ARHGAP40: variants seen among roughly 807,000 people sequenced by gnomAD.
The protein encoded by ARHGAP40 is Rho GTPase activating protein 40.
A neutral mutation model predicts 73.5 loss-of-function variants in ARHGAP40; 43 were observed. That is an observed-to-expected ratio of 0.58 (90% CI 0.46 to 0.75). The LOEUF is 0.75. Ranked by LOEUF, ARHGAP40 falls within the 30% of genes least tolerant of loss-of-function variation. ARHGAP40 has a pLI of 0.00. For missense variants in ARHGAP40, 734 were observed against 861.8 expected, an observed-to-expected ratio of 0.85 and a Z score of 1.86; for synonymous variants, 300 against 352.8, an observed-to-expected ratio of 0.85 and a Z score of 1.68.
chr20:38,631,033 C>T (rs1017560001), intron 5 of ARHGAP40, among the ~76,000 whole-genome samples: 4 of 152,154 alleles, frequency 2.6e-5, no homozygotes, highest in Admixed American at 1.3e-4. Context: ...GAAGTAGGAT[C>T]GGGCACAGTG....
At chr20:38,621,606 G>A (rs1317704059) in intron 1 of ARHGAP40, among the ~76,000 whole-genome samples, 1 of 152,192 alleles carries the variant, frequency 6.6e-6, no homozygotes, top group East Asian at 1.9e-4. Flanking sequence ...TGCCTGGGGA[G>A]AAACATGAGA....
intron 7 of ARHGAP40, among the ~76,000 whole-genome samples, chr20:38,638,312 CA>C (rs1418343992): frequency 1.3e-5 from 2 of 151,918 alleles, no homozygotes; most frequent in African/African-American, 4.8e-5. Flanking sequence ...GAGACTCTCT[CA>C]AAAAATACAT....
intron 1 of ARHGAP40, chr20:38,614,901 C>T: frequency 1.5e-6 from 2 of 1,340,272 alleles, no homozygotes; most frequent in Non-Finnish European, 2.1e-6. Context: ...GCTGCCTGCA[C>T]CAGGCCTTTC....
In ARHGAP40 at chr20:38,646,240, C is replaced by T. The variant is rs555314090; in HGVS notation, c.1710+53C>T. Reference sequence around the variant, plus strand: ...GAGAAGGGCCGAGGCGACAGGAGGGCACCTGGGGCGCGGTGCTTCCCTTCC... The same window carrying T: ...GAGAAGGGCCGAGGCGACAGGAGGGTACCTGGGGCGCGGTGCTTCCCTTCC... On this transcript the variant is annotated intron_variant, in intron 12 of 14. Coordinates refer to ENST00000373345, the Ensembl canonical transcript of ARHGAP40. The surrounding 1 kb of genome is among the most constrained non-coding windows in gnomAD (Gnocchi z 4.5). The T allele has an allele frequency of 5.1e-5, 64 of 1,245,604 alleles. 1 individual carries two copies. In the South Asian group the frequency reaches 7.8e-4, roughly 15 times the overall value. The allele number at this position is 1,245,604 out of a possible 1,614,324, so 77.2% of individuals were successfully genotyped here. A position where few individuals can be genotyped will look rare whatever the true frequency, so the allele number is the denominator to read the frequency against.
chr20:38,615,823 C>G (rs1409821892), intron 1 of ARHGAP40, among the ~76,000 whole-genome samples: 1 of 152,176 alleles, frequency 6.6e-6, no homozygotes, highest in Non-Finnish European at 1.5e-5. Flanking sequence ...GACAAATGAT[C>G]CCCAAACCCA....
chr20:38,645,174 G>A lies in ARHGAP40; in HGVS notation c.1570-873G>A, dbSNP rs113143349. On this transcript the variant is annotated intron_variant, in intron 11 of 14. Coordinates refer to ENST00000373345, the Ensembl canonical transcript of ARHGAP40. ...CTTTTTTTTTTTTCTAAGGGCAGAA[G>A]CCTGGTGTCCTCTGCTCATTCTTCA... Among the ~76,000 whole-genome samples, 966 of 150,644 alleles carry A rather than the reference G, an allele frequency of 6.4e-3. 8 individuals carry two copies. Among genetic ancestry groups the A allele is most frequent in the African/African-American group, 0.023 (932 of 41,086 alleles).
intron 10 of ARHGAP40, among the ~76,000 whole-genome samples, chr20:38,643,008 G>A (rs7262184): frequency 0.042 from 6,383 of 152,098 alleles, 476 homozygotes; most frequent in African/African-American, 0.15. Context: ...GGGTGTGATG[G>A]TGCACACTTG....
chr20:38,618,153 G>A (rs571327097), intron 1 of ARHGAP40, among the ~76,000 whole-genome samples: 1 of 151,464 alleles, frequency 6.6e-6, no homozygotes, highest in South Asian at 2.1e-4. Flanking sequence ...GGGCTGGAGT[G>A]CAGTGGTGCG....
At position 38,638,741 on chromosome 20, in the gene ARHGAP40, CT is replaced by C. The variant is rs1203782964; in HGVS notation, c.1042-19del. 3.1e-6 allele frequency: 4 copies of C among 1,303,836 alleles called. No homozygotes were observed. The highest frequency in any genetic ancestry group is 4.0e-6 in the Non-Finnish European group (4 of 987,746). The allele number at this position is 1,303,836 out of a possible 1,614,324, so 80.8% of individuals were successfully genotyped here. A position where few individuals can be genotyped will look rare whatever the true frequency, so the allele number is the denominator to read the frequency against. On this transcript the variant is annotated intron_variant, in intron 7 of 14. Coordinates refer to ENST00000373345, the Ensembl canonical transcript of ARHGAP40. ...TTTTCAGCGGTTCCTGGTTTAAATG[CT>C]GGTTTCTCTTTCTGACAGCTGCTGT...
intron 1 of ARHGAP40, among the ~76,000 whole-genome samples, chr20:38,603,451 A>ATCTATCTATCTATCTATCTATCTG (rs1555889756): frequency 7.3e-5 from 11 of 150,012 alleles, no homozygotes; most frequent in East Asian, 2.0e-4. Context: ...CTATCTATCT[A>ATCTATCTATCTATCTATCTATCTG]TCTATCTATC....
chr20:38,609,234 G>T (rs1341256776), intron 1 of ARHGAP40, among the ~76,000 whole-genome samples: 1 of 152,122 alleles, frequency 6.6e-6, no homozygotes, highest in South Asian at 2.1e-4. Flanking sequence ...ACCCTCAGGA[G>T]TCATCCTGCC....
chr20:38,637,853 A>T, intron 7 of ARHGAP40, 54 bp downstream of exon 7: 1 of 1,253,650 alleles, frequency 8.0e-7, no homozygotes, highest in Non-Finnish European at 1.1e-6. Flanking sequence ...AGGCTGGCTC[A>T]GGGGACCATT....
chr20:38,634,639 G>T, exon 6 of ARHGAP40: 1 of 1,305,428 alleles, frequency 7.7e-7, no homozygotes, highest in Non-Finnish European at 1.0e-6. Context: ...GTCCCCAAAG[G>T]CAGACTTGGC....
intron 1 of ARHGAP40, 80 bp downstream of exon 1, chr20:38,602,159 C>T (rs373941187): frequency 8.4e-7 from 1 of 1,195,528 alleles, no homozygotes; most frequent in Non-Finnish European, 1.1e-6. Flanking sequence ...CACAACATCC[C>T]TGTGAGGCAA....
At chr20:38,628,822 C>T (rs1257110251) in intron 3 of ARHGAP40, 105 bp from the exon 4 acceptor site, 7 of 788,008 alleles carry the variant, frequency 8.9e-6, no homozygotes, top group African/African-American at 1.9e-5. Flanking sequence ...GCTTCAGTGG[C>T]TCCATCTGTG....
chr20:38,634,859 A>C, intron 6 of ARHGAP40, 74 bp downstream of exon 6: 1 of 1,179,360 alleles, frequency 8.5e-7, no homozygotes, highest in South Asian at 1.6e-5. Flanking sequence ...CTCTCCCAGC[A>C]AGAGATGCTC....
rs535972531 is a variant in ARHGAP40 at position 38,627,422 on chromosome 20, T to G, written c.558+207T>G. On this transcript the variant is annotated intron_variant, in intron 3 of 14. Coordinates refer to ENST00000373345, the Ensembl canonical transcript of ARHGAP40. The stretch of plus-strand genomic sequence containing the variant: ...TGTGTTGGGGTATGTGTGTTGGGGG[T>G]GTGTGTGTTGTCTGTGTTGGGGGTG... 1.2e-3 allele frequency among the ~76,000 whole-genome samples: 159 copies of G among 130,928 alleles called. 1 individual carries two copies. The highest frequency in any genetic ancestry group is 4.4e-3 in the African/African-American group (150 of 34,292). 85.9% of individuals were successfully genotyped at this position (130,928 alleles called of 152,430 possible).
chr20:38,618,326 C>G (rs558335049), intron 1 of ARHGAP40, among the ~76,000 whole-genome samples: 1 of 152,194 alleles, frequency 6.6e-6, no homozygotes, highest in Non-Finnish European at 1.5e-5. Context: ...CCAGGCTGTT[C>G]TTGAACTCCT....
At chr20:38,633,388 A>G (rs572916654) in intron 5 of ARHGAP40, among the ~76,000 whole-genome samples, 5 of 152,362 alleles carry the variant, frequency 3.3e-5, no homozygotes, top group Admixed American at 6.5e-5. Context: ...CTATTAAGTT[A>G]GTGATAACTG....
Sources: gnomAD v4.1 joint callset for allele counts (sites outside exome capture counted in the v4.1 genomes callset) on GRCh38, gnomAD v4.1.1 for gene constraint, Gnocchi (gnomAD v3.1) non-coding constraint, MANE v1.5 for transcripts, NCBI Gene and HGNC (gene_info 2026-07-23, HGNC 2026-07-21) for gene names.